Variants in USP47 observed in about 807,000 individuals in gnomAD.
USP47 encodes the protein ubiquitin carboxyl-terminal hydrolase 47.
Under a neutral mutation model 165.1 loss-of-function variants are expected in USP47, and 35 were observed. The observed-to-expected ratio is 0.21, with a 90% CI of 0.16 to 0.28. USP47 has a LOEUF of 0.28. USP47 is among the 10% of genes least tolerant of loss of function. The pLI is 1.00. For missense variants in USP47, 1,277 were observed against 1,607.4 expected (o/e 0.79, Z 3.52); for synonymous variants, 531 against 544.5 (o/e 0.98, Z 0.35).
chr11:11,858,848 A>C (rs1849212987), intron 1 of USP47, among the ~76,000 whole-genome samples: 1 of 152,230 alleles, frequency 6.6e-6, no homozygotes, highest in South Asian at 2.1e-4. Context: ...TAAAGCTACT[A>C]TAAATATTTG....
At position 11,958,632 on chromosome 11, in the gene USP47, G is replaced by A. The variant is rs1460454545; in HGVS notation, c.*2457G>A. 6.6e-6 allele frequency: 1 copy of A among 152,214 alleles called. No homozygotes were observed. The highest frequency in any genetic ancestry group is 2.4e-5 in the African/African-American group (1 of 41,444). 9.4% of individuals were successfully genotyped at this position (152,214 alleles called of 1,614,324 possible). The stretch of plus-strand genomic sequence containing the variant: ...ACAAGTCATGCAAAGGTTTTGAAGA[G>A]CTTTTACCGTGGGGCAGATGAACTT... On this transcript the variant is annotated 3_prime_UTR_variant, in exon 28 of 28. Transcript: ENST00000527733.
intron 1 of USP47, among the ~76,000 whole-genome samples, chr11:11,877,075 T>G (rs1343594221): frequency 4.6e-5 from 7 of 152,188 alleles, no homozygotes. Flanking sequence ...CTTTTTACAT[T>G]TAAATGTTTT....
intron 4 of USP47, among the ~76,000 whole-genome samples, chr11:11,897,349 A>G (rs1012134547): frequency 6.6e-6 from 1 of 152,020 alleles, no homozygotes; most frequent in African/African-American, 2.4e-5. Flanking sequence ...AATGTCATAT[A>G]ATCTCCATGT....
intron 1 of USP47, among the ~76,000 whole-genome samples, chr11:11,847,577 A>G (rs1344852249): frequency 1.3e-5 from 2 of 152,106 alleles, no homozygotes; most frequent in Non-Finnish European, 2.9e-5. Context: ...CCATCTATTT[A>G]TATGCTTAAG....
chr11:11,904,472 A>G (rs977523018), intron 7 of USP47, among the ~76,000 whole-genome samples: 5 of 152,188 alleles, frequency 3.3e-5, no homozygotes, highest in Non-Finnish European at 7.4e-5. Context: ...AAGTTCATTT[A>G]GTGATCTAGT....
At chr11:11,920,554 G>A in intron 10 of USP47, 60 bp downstream of exon 10, 2 of 1,488,630 alleles carry the variant, frequency 1.3e-6, no homozygotes, top group Non-Finnish European at 9.0e-7. Flanking sequence ...TCATGGTTTT[G>A]AAAGAGCTGT....
intron 20 of USP47, 170 bp downstream of exon 20, chr11:11,943,282 TA>T: frequency 1.8e-6 from 1 of 564,348 alleles, no homozygotes; most frequent in Non-Finnish European, 2.9e-6. Flanking sequence ...ACCTGTGCAG[TA>T]AATTAGATGG....
intron 1 of USP47, among the ~76,000 whole-genome samples, chr11:11,844,741 G>C (rs1250794089): frequency 6.6e-6 from 1 of 150,764 alleles, no homozygotes; most frequent in African/African-American, 2.4e-5. Context: ...TTTTTTGAGG[G>C]CCTTTGTATA....
chr11:11,882,278 T>C (rs941178874), intron 2 of USP47, among the ~76,000 whole-genome samples: 2 of 152,284 alleles, frequency 1.3e-5, no homozygotes, highest in East Asian at 3.9e-4. Context: ...TCTTAAGTTT[T>C]CCAGAAAAAT....
At chr11:11,892,183 CT>C in intron 4 of USP47, 77 bp downstream of exon 4, 1 of 1,462,216 alleles carries the variant, frequency 6.8e-7, no homozygotes. Context: ...GCCTAATCCT[CT>C]TATTTTATGG....
chr11:11,913,113 C>G (rs1302533142), intron 8 of USP47, among the ~76,000 whole-genome samples: 1 of 151,982 alleles, frequency 6.6e-6, no homozygotes, highest in South Asian at 2.1e-4. Context: ...GATGTCTGCT[C>G]CTACCACTCC....
At chr11:11,850,445 A>T (rs1590220555) in intron 1 of USP47, among the ~76,000 whole-genome samples, 2 of 144,308 alleles carry the variant, frequency 1.4e-5, no homozygotes, top group East Asian at 2.0e-4. Context: ...TTATGGATGC[A>T]GTGTCTTATC....
chr11:11,927,126 C>T (rs1279988808), intron 11 of USP47, among the ~76,000 whole-genome samples: 1 of 151,892 alleles, frequency 6.6e-6, no homozygotes, highest in Non-Finnish European at 1.5e-5. Flanking sequence ...TATTTCATTA[C>T]ACTCTTCTTG....
At chr11:11,943,617 A>T (rs901595604) in intron 20 of USP47, 1 of 152,172 alleles carries the variant, frequency 6.6e-6, no homozygotes, top group African/African-American at 2.4e-5. Flanking sequence ...AGTAACTCCA[A>T]AGCAAGGAGT....
chr11:11,949,380 T>G (rs1856070241), intron 22 of USP47, among the ~76,000 whole-genome samples: 1 of 152,112 alleles, frequency 6.6e-6, no homozygotes. Flanking sequence ...AACCATAAAT[T>G]TATCATAAAA....
chr11:11,871,541 A>T lies in USP47; in HGVS notation c.40-8636A>T, dbSNP rs898950996. Among the ~76,000 whole-genome samples the T allele has an allele frequency of 5.8e-5, 8 of 138,550 alleles. 1 individual carries two copies. Among genetic ancestry groups the T allele is most frequent in the Non-Finnish European group, 9.4e-5 (6 of 63,778 alleles). 90.9% of individuals were successfully genotyped at this position (138,550 alleles called of 152,430 possible). ...AAAAAAAAAAAAAAAAAAAAAAAGA[A>T]TTCTGGTTGGTGGGAACCTAAGTGA... On this transcript the variant is annotated intron_variant, in intron 1 of 27. Transcript: ENST00000527733.
At chr11:11,925,021 A>G (rs1170369003) in intron 11 of USP47, among the ~76,000 whole-genome samples, 3 of 150,998 alleles carry the variant, frequency 2.0e-5, no homozygotes, top group Admixed American at 2.0e-4. Flanking sequence ...TTTTAACAGT[A>G]TTAAGTCTTC....
chr11:11,939,919 A>T (rs1320185173), intron 18 of USP47, among the ~76,000 whole-genome samples: 1 of 151,994 alleles, frequency 6.6e-6, no homozygotes, highest in Non-Finnish European at 1.5e-5. Flanking sequence ...TTATAAAATG[A>T]CTCCAAAAAT....
rs1856553924 is a variant in USP47 at position 11,956,278 on chromosome 11, A to C, written c.*103A>C. ...TGGCCGGACATGGTTGGGGTAACCC[A>C]GTGACACCAGCACTGATTGGACTGC... is the stretch of plus-strand genomic sequence containing the variant. On this transcript the variant is annotated 3_prime_UTR_variant, in exon 28 of 28. Coordinates refer to ENST00000527733, the MANE Select transcript of USP47 (RefSeq NM_001282659.2). 7 of 1,287,256 alleles carry C rather than the reference A, an allele frequency of 5.4e-6. No individual in the cohort carries two copies. The Admixed American group carries it at 1.2e-4, about 21-fold the overall frequency. 79.7% of individuals were successfully genotyped at this position (1,287,256 alleles called of 1,614,324 possible).
Sources: allele counts gnomAD v4.1 joint callset (sites outside exome capture counted in the v4.1 genomes callset), GRCh38; gene constraint gnomAD v4.1.1; transcripts MANE v1.5; gene names NCBI Gene and HGNC (gene_info 2026-07-23, HGNC 2026-07-21).